UGT2B7: variants seen among roughly 807,000 people sequenced by gnomAD.
UGT2B7 encodes the protein UDP glucuronosyltransferase family 2 member B7, also known as UDP-glucuronosyltransferase 2B7.
UGT2B7 carries 51 observed loss-of-function variants against 51.9 expected under a neutral mutation model. The observed-to-expected ratio is 0.98, with a 90% CI of 0.78 to 1.24. The LOEUF is 1.24. Among genes scored for constraint, UGT2B7 ranks in the 50% most tolerant of loss-of-function variants. The pLI, the probability that UGT2B7 is intolerant of heterozygous loss-of-function variation, is 0.00. For missense variants in UGT2B7, 727 were observed against 628.4 expected, an observed-to-expected ratio of 1.16 and a Z score of -1.68; for synonymous variants, 225 against 211.6, an observed-to-expected ratio of 1.06 and a Z score of -0.55.
chr4:69,104,054 C>T (rs4694628), intron 3 of UGT2B7, among the ~76,000 whole-genome samples: 29,970 of 151,952 alleles, frequency 0.2, 3,111 homozygotes, highest in South Asian at 0.28. Context: ...TTTCGGAGGC[C>T]GAGGCAGGCG....
intron 1 of UGT2B7, 66 bp from the exon 2 acceptor site, chr4:69,098,474 C>T (rs887881643): frequency 7.1e-5 from 111 of 1,564,332 alleles, no homozygotes; most frequent in Non-Finnish European, 9.4e-5. Flanking sequence ...ATTCTAACCC[C>T]TTTCAGAAAT....
chr4:69,110,945 C>A (rs9995928), intron 5 of UGT2B7, among the ~76,000 whole-genome samples: 5,051 of 151,990 alleles, frequency 0.033, 116 homozygotes, highest in Middle Eastern at 0.11. Context: ...AATTCTAGGA[C>A]TCAAATAGCA....
chr4:69,076,356 A>T (rs1441707694), intron 1 of UGT2B7, among the ~76,000 whole-genome samples: 1 of 152,190 alleles, frequency 6.6e-6, no homozygotes, highest in Non-Finnish European at 1.5e-5. Context: ...AAGAATCACT[A>T]CACTGTCTTC....
intron 1 of UGT2B7, among the ~76,000 whole-genome samples, chr4:69,065,115 T>C (rs1718457557): frequency 6.6e-6 from 1 of 152,106 alleles, no homozygotes; most frequent in African/African-American, 2.4e-5. Flanking sequence ...AAAATTGAAA[T>C]GTATCATGGA....
chr4:69,083,209 T>TA (rs1718875504), intron 1 of UGT2B7, among the ~76,000 whole-genome samples: 1 of 152,134 alleles, frequency 6.6e-6, no homozygotes, highest in Non-Finnish European at 1.5e-5. Flanking sequence ...GATAGGAATG[T>TA]ACAAAGAGAT....
At chr4:69,054,403 C>T (rs1577903638) in intron 1 of UGT2B7, among the ~76,000 whole-genome samples, 1 of 152,158 alleles carries the variant, frequency 6.6e-6, no homozygotes, top group Admixed American at 6.5e-5. Flanking sequence ...AAAACCTAAA[C>T]ATAAAGTCTC....
chr4:69,089,042 C>A (rs1719026591), intron 1 of UGT2B7, among the ~76,000 whole-genome samples: 2 of 152,090 alleles, frequency 1.3e-5, no homozygotes, highest in South Asian at 4.1e-4. Context: ...CTCTTTTTAG[C>A]TCTGGTGAAT....
intron 1 of UGT2B7, among the ~76,000 whole-genome samples, chr4:69,053,609 A>G (rs759933266): frequency 3.9e-5 from 6 of 152,148 alleles, no homozygotes; most frequent in Non-Finnish European, 7.3e-5. Context: ...TCTCTCTGCT[A>G]TATCCTGAAG....
intron 1 of UGT2B7, among the ~76,000 whole-genome samples, chr4:69,098,038 A>G (rs935659829): frequency 1.3e-5 from 2 of 152,046 alleles, no homozygotes; most frequent in Non-Finnish European, 2.9e-5. Flanking sequence ...TAGTTGGTAC[A>G]AGGATTTCAG....
Position 69,096,652 on chromosome 4 carries a change from T to A in UGT2B7, c.132T>A (p.Asp44Glu), listed in dbSNP as rs1412265400. The A allele has an allele frequency of 3.7e-6, 6 of 1,613,322 alleles. No individual in the cohort carries two copies. Among genetic ancestry groups the A allele is most frequent in the South Asian group, 1.1e-5 (1 of 91,084 alleles). ...GGATGAATATAAAGACAATCCTGGA[T>A]GAGCTTATTCAGAGAGGTCATGAGG... ...SHWMNIKTIL[D>E]ELIQRGHEVT... Residue 44 changes from aspartate (D) to glutamate (E), a missense_variant, in exon 1 of 6, where the codon GAT becomes GAA. Physicochemically the swap from Asp to Glu is conservative, Grantham distance 45. Transcript: ENST00000305231.
upstream of UGT2B7, among the ~76,000 whole-genome samples, chr4:69,092,603 T>C (rs1719108983): frequency 6.7e-6 from 1 of 149,650 alleles, no homozygotes; most frequent in Non-Finnish European, 1.5e-5. Context: ...AAAAGTAAAA[T>C]ATAAAACATA....
At chr4:69,098,735 G>A (rs1330567882) in intron 2 of UGT2B7, 47 bp downstream of exon 2, 2 of 1,597,376 alleles carry the variant, frequency 1.3e-6, no homozygotes, top group Middle Eastern at 1.7e-4. Context: ...TGAATTTTCA[G>A]TAGAAATGAT....
rs1577930035 is a variant in UGT2B7 at position 69,112,473 on chromosome 4, A to G, written c.1327A>G (p.Met443Val). ...INDPSYKENV[M>V]KLSRIQHDQP... ...ATCTTTCAGATATAAAGAGAATGTT[A>G]TGAAATTATCAAGAATTCAACATGA... The change falls in exon 6 of 6, where the codon ATG (methionine) becomes GTG (valine). Residue 443 changes from methionine (M) to valine (V), a missense_variant. Transcript: ENST00000305231. 6.2e-7 allele frequency: 1 copy of G among 1,613,696 alleles called. No individual in the cohort carries two copies. The highest frequency in any genetic ancestry group is 2.2e-5 in the East Asian group (1 of 44,880).
chr4:69,093,381 A>G (rs1474757630), upstream of UGT2B7, among the ~76,000 whole-genome samples: 1 of 152,330 alleles, frequency 6.6e-6, no homozygotes, highest in African/African-American at 2.4e-5. Flanking sequence ...GTTCCATTCC[A>G]GGGAGGCCCA....
chr4:69,086,502 G>A (rs937475381), intron 1 of UGT2B7, among the ~76,000 whole-genome samples: 1 of 151,922 alleles, frequency 6.6e-6, no homozygotes, highest in African/African-American at 2.4e-5. Context: ...ATCTTACCTA[G>A]AGTGCAGTTT....
chr4:69,098,323 C>G (rs1464452590), intron 1 of UGT2B7, among the ~76,000 whole-genome samples: 1 of 152,048 alleles, frequency 6.6e-6, no homozygotes, highest in Non-Finnish European at 1.5e-5. Flanking sequence ...AGCTTAACCT[C>G]ACAATTCTCC....
At chr4:69,107,804 G>A (rs983032913) in intron 4 of UGT2B7, among the ~76,000 whole-genome samples, 1 of 151,860 alleles carries the variant, frequency 6.6e-6, no homozygotes, top group Non-Finnish European at 1.5e-5. Context: ...TAAAATAAGA[G>A]TTCACTTCAT....
chr4:69,065,949 G>A (rs1718474865), intron 1 of UGT2B7, among the ~76,000 whole-genome samples: 2 of 151,964 alleles, frequency 1.3e-5, no homozygotes, highest in Admixed American at 1.3e-4. Context: ...AAGTCACTAT[G>A]TATGAAACAT....
intron 1 of UGT2B7, among the ~76,000 whole-genome samples, chr4:69,054,187 C>T (rs1718121158): frequency 6.6e-6 from 1 of 151,184 alleles, no homozygotes; most frequent in African/African-American, 2.4e-5. Flanking sequence ...CCTGAGGTTA[C>T]CTGACCTGAC....
Sources: allele counts gnomAD v4.1 joint callset (sites outside exome capture counted in the v4.1 genomes callset), GRCh38; gene constraint gnomAD v4.1.1; transcripts MANE v1.5; gene names NCBI Gene and HGNC (gene_info 2026-07-23, HGNC 2026-07-21).